Variants in LTA4H observed in about 807,000 individuals in gnomAD.
LTA4H encodes leukotriene A-4 hydrolase.
Under a neutral mutation model 89.8 loss-of-function variants are expected in LTA4H, and 59 were observed. The observed-to-expected ratio is 0.66, with a 90% CI of 0.53 to 0.82. The LOEUF (loss-of-function observed/expected upper bound fraction) is 0.82, where lower values mean the gene tolerates loss of function less well. Ranked by LOEUF, LTA4H falls within the 40% of genes least tolerant of loss-of-function variation. The probability of loss-of-function intolerance (pLI) is 0.00; values close to 1 mark genes in which losing one functional copy is unlikely to be tolerated. For missense variants in LTA4H, 617 were observed against 727.0 expected, an observed-to-expected ratio of 0.85 and a Z score of 1.74; for synonymous variants, 227 against 253.1, an observed-to-expected ratio of 0.90 and a Z score of 0.98.
At chr12:96,013,162 GAAAGC>G (rs1277781733) in intron 14 of LTA4H, 21 bp downstream of exon 14, 1 of 1,578,622 alleles carries the variant, frequency 6.3e-7, no homozygotes, top group Admixed American at 1.7e-5. Flanking sequence ...GAATGAGAAG[GAAAGC>G]ATTAGCAGGC....
chr12:96,036,992 T>G (rs1027862491), upstream of LTA4H, among the ~76,000 whole-genome samples: 5 of 152,164 alleles, frequency 3.3e-5, no homozygotes. Context: ...CAAGACACTG[T>G]GGCGAGGACA....
At chr12:96,041,675 T>C (rs1950686803) in intron 1 of LTA4H, among the ~76,000 whole-genome samples, 1 of 152,218 alleles carries the variant, frequency 6.6e-6, no homozygotes, top group Non-Finnish European at 1.5e-5. Context: ...AAAGTCTCTC[T>C]GTGTCGCCCA....
At position 96,009,070 on chromosome 12, in the gene LTA4H, C is replaced by A. The variant is rs201851789; in HGVS notation, c.1434+24G>T. 1.9e-4 allele frequency: 296 copies of A among 1,559,642 alleles called. 4 individuals are homozygous for A. In the South Asian group the frequency reaches 2.7e-3, roughly 14 times the overall value. On this transcript the variant is annotated intron_variant, in intron 15 of 18. Transcript: ENST00000228740. Reference sequence around the variant, plus strand: ...ATATTTGCACAATTCAAAAAGGAATCAAAAATCACACATTATTACTTACAG... The same window carrying A: ...ATATTTGCACAATTCAAAAAGGAATAAAAAATCACACATTATTACTTACAG...
intron 18 of LTA4H, among the ~76,000 whole-genome samples, chr12:96,001,892 G>A (rs926996299): frequency 3.3e-5 from 5 of 150,484 alleles, no homozygotes; most frequent in East Asian, 2.0e-4. Flanking sequence ...ACTGTCACCC[G>A]GGCTGGAGGA....
At chr12:96,017,370 A>C (rs1950394309) in intron 9 of LTA4H, among the ~76,000 whole-genome samples, 187 bp downstream of exon 9, 1 of 152,194 alleles carries the variant, frequency 6.6e-6, no homozygotes, top group African/African-American at 2.4e-5. Flanking sequence ...ATATTTCATA[A>C]ATATATGAAG....
chr12:96,036,593 A>G (rs1300699285), upstream of LTA4H, among the ~76,000 whole-genome samples: 1 of 152,196 alleles, frequency 6.6e-6, no homozygotes, highest in East Asian at 1.9e-4. Flanking sequence ...TGACATAGGT[A>G]AGTAGTAAGT....
At chr12:96,037,204 C>G (rs888813418), upstream of LTA4H, among the ~76,000 whole-genome samples, 1 of 152,150 alleles carries the variant, frequency 6.6e-6, no homozygotes, top group Non-Finnish European at 1.5e-5. Flanking sequence ...GTGGAGATGT[C>G]CATGAGTCAC....
Position 96,013,786 on chromosome 12 carries a change from G to A in LTA4H, c.1272C>T (p.Asp424=). 6.3e-7 allele frequency: 1 copy of A among 1,586,856 alleles called. No individual in the cohort carries two copies. The highest frequency in any genetic ancestry group is 1.1e-5 in the South Asian group (1 of 88,546). ...KFSYKSITTD[D]WKDFLYSYFK... ...AATAGGAATACAGGAAATCCTTCCAGTCATCAGTAGTTATGCTCTTATAGG... is the reference window on the plus strand; with the variant it reads ...AATAGGAATACAGGAAATCCTTCCAATCATCAGTAGTTATGCTCTTATAGG... The change falls in exon 13 of 19, where the codon GAC becomes GAT. Residue 424 remains aspartate (D), a synonymous_variant. Coordinates refer to ENST00000228740, the MANE Select transcript of LTA4H (RefSeq NM_000895.3).
At chr12:96,016,286 G>A (rs1328862668) in intron 10 of LTA4H, among the ~76,000 whole-genome samples, 2 of 132,208 alleles carry the variant, frequency 1.5e-5, no homozygotes, top group Non-Finnish European at 3.1e-5. Flanking sequence ...GCGACAGAGT[G>A]AGACTCCATC....
At chr12:96,008,763 T>C (rs1201393465) in intron 15 of LTA4H, among the ~76,000 whole-genome samples, 2 of 151,844 alleles carry the variant, frequency 1.3e-5, no homozygotes, top group Non-Finnish European at 2.9e-5. Flanking sequence ...GTATAAAAAG[T>C]TTTAAATTAG....
chr12:96,037,030 G>A (rs956627497), upstream of LTA4H, among the ~76,000 whole-genome samples: 6 of 152,194 alleles, frequency 3.9e-5, no homozygotes, highest in Non-Finnish European at 4.4e-5. Context: ...CTCTGCCCCC[G>A]TGACCCAAAC....
intron 1 of LTA4H, among the ~76,000 whole-genome samples, chr12:96,031,275 C>T (rs1950568747): frequency 6.6e-6 from 1 of 152,114 alleles, no homozygotes; most frequent in Non-Finnish European, 1.5e-5. Context: ...CACTCTGCCT[C>T]AAAAACACTA....
Position 96,000,856 on chromosome 12 carries a change from C to T in LTA4H, c.*133G>A, listed in dbSNP as rs1046684111. On this transcript the variant is annotated 3_prime_UTR_variant, in exon 19 of 19. Coordinates refer to ENST00000228740, the MANE Select transcript of LTA4H (RefSeq NM_000895.3). ...AAGAAGAAGTAGCTCAACTTTATTT[C>T]AGTAAAATCACCAACAAAACAATAA... 9 of 604,366 alleles carry T rather than the reference C, an allele frequency of 1.5e-5. 1 individual carries two copies. The highest frequency in any genetic ancestry group is 2.6e-5 in the Non-Finnish European group (9 of 339,896). 37.4% of individuals were successfully genotyped at this position (604,366 alleles called of 1,614,324 possible).
At chr12:96,002,016 C>T (rs1950113428) in intron 18 of LTA4H, among the ~76,000 whole-genome samples, 1 of 152,232 alleles carries the variant, frequency 6.6e-6, no homozygotes, top group East Asian at 1.9e-4. Flanking sequence ...TACCACCACA[C>T]CTGGCTAATT....
chr12:96,003,945 C>T lies in LTA4H; in HGVS notation c.1531-25G>A, dbSNP rs375577048. ...CCTAAGAGCAAAATAAAGAAGTATACCGTATCATTTCAACAGGATTCCTTG... is the reference window on the plus strand; with the variant it reads ...CCTAAGAGCAAAATAAAGAAGTATATCGTATCATTTCAACAGGATTCCTTG... On this transcript the variant is annotated intron_variant, in intron 16 of 18. Transcript: ENST00000228740. 19 of 1,442,320 alleles carry T rather than the reference C, an allele frequency of 1.3e-5. No individual in the cohort carries two copies. The South Asian group carries it at 2.3e-4, about 17-fold the overall frequency. The allele number at this position is 1,442,320 out of a possible 1,614,324, so 89.3% of individuals were successfully genotyped here. A position where few individuals can be genotyped will look rare whatever the true frequency, so the allele number is the denominator to read the frequency against.
In LTA4H at chr12:96,027,464, A is replaced by G. The variant is rs45630737; in HGVS notation, c.391T>C (p.Tyr131His). The change falls in exon 3 of 19, where the codon TAT becomes CAT. Residue 131 changes from tyrosine to histidine, a missense_variant. Transcript: ENST00000228740. Reference sequence around the variant, plus strand: ...TTTACCTGGCACTGACTAAAGAGATATGGGTGTTCCTTCCCAGAAGTCTGT... The same window carrying G: ...TTTACCTGGCACTGACTAAAGAGATGTGGGTGTTCCTTCCCAGAAGTCTGT... ...PEQTSGKEHPYLFSQCQAIHC... is the reference protein window; with the variant it reads ...PEQTSGKEHPHLFSQCQAIHC... 1.2e-6 allele frequency: 2 copies of G among 1,609,082 alleles called. No homozygotes were observed. Among genetic ancestry groups the G allele is most frequent in the Admixed American group, 3.4e-5 (2 of 58,910 alleles).
At chr12:96,023,733 C>T (rs987583040) in intron 4 of LTA4H, among the ~76,000 whole-genome samples, 9 of 152,056 alleles carry the variant, frequency 5.9e-5, no homozygotes, top group Non-Finnish European at 1.0e-4. Context: ...CAGTACCTAC[C>T]AAGGGAATAA....
At chr12:96,024,112 T>G (rs1386389936) in intron 4 of LTA4H, among the ~76,000 whole-genome samples, 1 of 151,954 alleles carries the variant, frequency 6.6e-6, no homozygotes, top group Non-Finnish European at 1.5e-5. Flanking sequence ...TGTGTTTTTT[T>G]TAGTACAGAT....
chr12:96,017,188 C>T (rs752120198), intron 9 of LTA4H, 74 bp from the exon 10 acceptor site: 5 of 990,632 alleles, frequency 5.0e-6, no homozygotes, highest in Non-Finnish European at 7.8e-6. Flanking sequence ...TGTAAACACT[C>T]CATGTTATTC....
Sources: allele counts gnomAD v4.1 joint callset (sites outside exome capture counted in the v4.1 genomes callset), GRCh38; gene constraint gnomAD v4.1.1; transcripts MANE v1.5; gene names NCBI Gene and HGNC (gene_info 2026-07-23, HGNC 2026-07-21).